PACRGL: variants seen among roughly 807,000 people sequenced by gnomAD.
The protein encoded by PACRGL is parkin coregulated like, also known as PACRG-like protein.
PACRGL carries 38 observed loss-of-function variants against 34.5 expected under a neutral mutation model. The observed-to-expected ratio is 1.10, with a 90% confidence interval of 0.85 to 1.44. PACRGL has a LOEUF of 1.44. Ranked by LOEUF, PACRGL falls within the 40% of genes most tolerant of loss-of-function variation. The pLI, the probability that PACRGL is intolerant of heterozygous loss-of-function variation, is 0.00. For synonymous variants in PACRGL, 128 were observed against 100.1 expected, an observed-to-expected ratio of 1.28 and a Z score of -1.66; for missense variants, 305 against 281.4, an observed-to-expected ratio of 1.08 and a Z score of -0.60.
intron 7 of PACRGL, among the ~76,000 whole-genome samples, chr4:20,720,780 G>C (rs956168419): frequency 1.3e-5 from 2 of 151,900 alleles, no homozygotes; most frequent in African/African-American, 4.8e-5. Flanking sequence ...TTTCAACCTT[G>C]GTGAATCTGA....
chr4:20,743,429 C>T (rs980851600), intron 8 of PACRGL, among the ~76,000 whole-genome samples: 4 of 152,034 alleles, frequency 2.6e-5, no homozygotes, highest in Admixed American at 6.6e-5. Context: ...GAGATATAGA[C>T]CAATGGAACA....
chr4:20,745,193 C>T (rs1393643717), intron 8 of PACRGL, among the ~76,000 whole-genome samples: 1 of 151,270 alleles, frequency 6.6e-6, no homozygotes, highest in Non-Finnish European at 1.5e-5. Flanking sequence ...CTTTTTGTTG[C>T]TGTGAACCAA....
At chr4:20,741,351 C>A (rs1242453266) in intron 8 of PACRGL, among the ~76,000 whole-genome samples, 1 of 152,168 alleles carries the variant, frequency 6.6e-6, no homozygotes, top group Non-Finnish European at 1.5e-5. Context: ...TGTAAAAGAA[C>A]AGAAATTATA....
downstream of PACRGL, among the ~76,000 whole-genome samples, chr4:20,736,175 A>G (rs1373426929): frequency 6.6e-6 from 1 of 152,196 alleles, no homozygotes; most frequent in African/African-American, 2.4e-5. Context: ...ATTTACTTCC[A>G]AGGAATTTTT....
At chr4:20,734,700 C>G, downstream of PACRGL, 2 of 1,594,218 alleles carry the variant, frequency 1.3e-6, no homozygotes, top group East Asian at 4.5e-5. Context: ...CTTGTACTGT[C>G]CCCCGGAGCA....
At chr4:20,763,952 A>T in the PACRGL span, among the ~76,000 whole-genome samples, 842 of 152,316 alleles carry the variant, frequency 5.5e-3, 8 homozygotes, top group South Asian at 0.045. Context: ...TGCTTCAAGT[A>T]AACAAGTACA....
chr4:20,707,031 G>C (rs974859747), intron 3 of PACRGL, among the ~76,000 whole-genome samples: 1 of 152,040 alleles, frequency 6.6e-6, no homozygotes, highest in African/African-American at 2.4e-5. Context: ...AAATTATCTA[G>C]TTATATCTTT....
chr4:20,722,797 A>T (rs1743967435), intron 7 of PACRGL, among the ~76,000 whole-genome samples: 1 of 152,198 alleles, frequency 6.6e-6, no homozygotes, highest in Admixed American at 6.5e-5. Flanking sequence ...GCTAGGGGCA[A>T]GGGCCAAACT....
downstream of PACRGL, chr4:20,752,954 T>C (rs573243943): frequency 6.6e-6 from 1 of 152,226 alleles, no homozygotes; most frequent in African/African-American, 2.4e-5. Context: ...TTAAAAGATA[T>C]AACAATGATC....
In PACRGL at chr4:20,730,228, AACC is replaced by A. The variant is rs1429158714; in HGVS notation, c.*2891_*2893del. The A allele has an allele frequency of 3.6e-6, 5 of 1,396,140 alleles. No individual in the cohort carries two copies. In the Admixed American group the frequency reaches 1.3e-4, roughly 35 times the overall value. The allele number at this position is 1,396,140 out of a possible 1,614,324, so 86.5% of individuals were successfully genotyped here. On this transcript the variant is annotated 3_prime_UTR_variant, in exon 9 of 9. Coordinates refer to ENST00000503585, the MANE Select transcript of PACRGL (RefSeq NM_001258345.3). ...ATTGCCTCCTCCCATCAACCACCTCAACCACCTATGCCAAAAGCTCAAATATTA... is the reference window on the plus strand; with the variant it reads ...ATTGCCTCCTCCCATCAACCACCTCAACCTATGCCAAAAGCTCAAATATTA...
chr4:20,702,017 A>G (rs1373615238), intron 1 of PACRGL: 11 of 441,034 alleles, frequency 2.5e-5, no homozygotes, highest in Non-Finnish European at 5.0e-5. Context: ...ATTGTACATA[A>G]AAGTTGTCCT....
downstream of PACRGL, among the ~76,000 whole-genome samples, chr4:20,755,347 T>G (rs1754305130): frequency 1.3e-5 from 2 of 152,250 alleles, no homozygotes. Flanking sequence ...ATCTGACTTT[T>G]GTATGAAACA....
intron 8 of PACRGL, among the ~76,000 whole-genome samples, chr4:20,742,033 C>G (rs1048334105): frequency 6.6e-6 from 1 of 152,030 alleles, no homozygotes; most frequent in Non-Finnish European, 1.5e-5. Context: ...AAGTTGAATC[C>G]CTGAATAGAC....
chr4:20,737,887 T>G (rs2149288164), intron 8 of PACRGL, among the ~76,000 whole-genome samples: 1 of 152,246 alleles, frequency 6.6e-6, no homozygotes, highest in Non-Finnish European at 1.5e-5. Flanking sequence ...ATCCCAGCAC[T>G]TTGGGTGGTG....
At chr4:20,701,068 G>C (rs926060690) in intron 1 of PACRGL, among the ~76,000 whole-genome samples, 4 of 152,180 alleles carry the variant, frequency 2.6e-5, no homozygotes, top group Non-Finnish European at 4.4e-5. Context: ...ATTTGACAGA[G>C]CTTTACAAAT....
In PACRGL at chr4:20,724,933, G is replaced by T. The variant is rs117926579; in HGVS notation, c.690+45G>T. 2.2e-3 allele frequency: 2,487 copies of T among 1,128,864 alleles called. 53 individuals are homozygous for T. In the South Asian group the frequency reaches 0.037, roughly 17 times the overall value. 69.9% of individuals were successfully genotyped at this position (1,128,864 alleles called of 1,614,324 possible). A position where few individuals can be genotyped will look rare whatever the true frequency, so the allele number is the denominator to read the frequency against. On this transcript the variant is annotated intron_variant, in intron 8 of 8. Coordinates refer to ENST00000503585, the MANE Select transcript of PACRGL (RefSeq NM_001258345.3). ...TTAAGTCTTTTTTTTTAACTTTTAG[G>T]TGTATTACTAAATTGACATATATAT... is the stretch of plus-strand genomic sequence containing the variant.
chr4:20,703,751 G>A (rs1019013010), intron 1 of PACRGL, among the ~76,000 whole-genome samples: 4 of 152,094 alleles, frequency 2.6e-5, no homozygotes, highest in Admixed American at 2.6e-4. Context: ...GTTTAGGGAG[G>A]TTAAATAATC....
At chr4:20,739,487 C>G (rs1750533758) in intron 8 of PACRGL, among the ~76,000 whole-genome samples, 1 of 152,170 alleles carries the variant, frequency 6.6e-6, no homozygotes, top group Non-Finnish European at 1.5e-5. Context: ...CTCCAACAGA[C>G]CTGCAGCTGA....
Position 20,730,263 on chromosome 4 carries a change from T to C in PACRGL, c.*2922T>C. The C allele has an allele frequency of 1.8e-6, 2 of 1,136,646 alleles. No individual in the cohort carries two copies. Among genetic ancestry groups the C allele is most frequent in the East Asian group, 5.5e-5 (2 of 36,290 alleles). 70.4% of individuals were successfully genotyped at this position (1,136,646 alleles called of 1,614,324 possible). A position where few individuals can be genotyped will look rare whatever the true frequency, so the allele number is the denominator to read the frequency against. On this transcript the variant is annotated 3_prime_UTR_variant, in exon 9 of 9. Transcript: ENST00000503585. Reference sequence around the variant, plus strand: ...GCCAAAAGCTCAAATATTAAGTGTTTGCAAATGTAAATGCCATTCTATTCT... The same window carrying C: ...GCCAAAAGCTCAAATATTAAGTGTTCGCAAATGTAAATGCCATTCTATTCT...
Sources: allele counts gnomAD v4.1 joint callset (sites outside exome capture counted in the v4.1 genomes callset), GRCh38; gene constraint gnomAD v4.1.1; transcripts MANE v1.5; gene names NCBI Gene and HGNC (gene_info 2026-07-23, HGNC 2026-07-21).